PTP4A3: variants seen among roughly 807,000 people sequenced by gnomAD.
PTP4A3 encodes the protein protein tyrosine phosphatase 4A3.
PTP4A3 carries 9 observed loss-of-function variants against 15.2 expected under a neutral mutation model. The ratio of observed to expected loss-of-function variants is 0.59; its 90% CI spans 0.36 to 1.03. PTP4A3 has a LOEUF of 1.03. Among genes scored for constraint, PTP4A3 ranks in the 50% least tolerant of loss-of-function variants. The probability of loss-of-function intolerance (pLI) is 0.02; values close to 1 mark genes in which losing one functional copy is unlikely to be tolerated. For missense variants in PTP4A3, 234 were observed against 252.1 expected (o/e 0.93, Z 0.49); for synonymous variants, 95 against 102.0 (o/e 0.93, Z 0.41).
Position 141,413,921 on chromosome 8 carries a change from G to A in PTP4A3, c.-853-7467G>A, listed in dbSNP as rs116088436. ...AGGGCTCTTGGTGTAAAGATGCTGT[G>A]TGGACAGGAGGACATGGAGGATTCG... On this transcript the variant is annotated intron_variant, in intron 1 of 5. Coordinates refer to ENST00000521578, the MANE Select transcript of PTP4A3 (RefSeq NM_032611.3). Among the ~76,000 whole-genome samples, 1,143 of 150,800 alleles carry A rather than the reference G, an allele frequency of 7.6e-3. 19 individuals carry two copies. The highest frequency in any genetic ancestry group is 0.026 in the African/African-American group (1,064 of 40,622).
At chr8:141,414,052 T>A (rs1218953239) in intron 1 of PTP4A3, among the ~76,000 whole-genome samples, 2 of 144,450 alleles carry the variant, frequency 1.4e-5, no homozygotes, top group Non-Finnish European at 3.0e-5. Context: ...TGGTCATCTG[T>A]TTCTGTGGCG....
At chr8:141,430,796 A>C in intron 5 of PTP4A3, 131 bp from the exon 6 acceptor site, 1 of 790,208 alleles carries the variant, frequency 1.3e-6, no homozygotes, top group Non-Finnish European at 2.1e-6. Context: ...AGGCCCTGGG[A>C]CAGGAGGGGC....
intron 1 of PTP4A3, among the ~76,000 whole-genome samples, chr8:141,420,532 C>A (rs1470368767): frequency 6.6e-6 from 1 of 152,166 alleles, no homozygotes; most frequent in Non-Finnish European, 1.5e-5. Flanking sequence ...CTGTGGCCCC[C>A]CCTGCCGCCT....
At chr8:141,430,881 G>T (rs372526974) in intron 5 of PTP4A3, 46 bp from the exon 6 acceptor site, 3 of 1,595,326 alleles carry the variant, frequency 1.9e-6, no homozygotes, top group African/African-American at 2.7e-5. Context: ...TGAGATGGCC[G>T]AGCCAGGTCC....
chr8:141,401,534 C>A (rs527564376), intron 1 of PTP4A3, among the ~76,000 whole-genome samples: 22 of 152,262 alleles, frequency 1.4e-4, no homozygotes, highest in African/African-American at 4.6e-4. Flanking sequence ...TGCTGGCTGG[C>A]CCCTGCTCCC....
At chr8:141,430,514 G>A (rs1391635071) in intron 5 of PTP4A3, among the ~76,000 whole-genome samples, 2 of 152,216 alleles carry the variant, frequency 1.3e-5, no homozygotes, top group African/African-American at 4.8e-5. Flanking sequence ...CCTGTTGTAA[G>A]GGAAGGTCGC....
rs1183964850 is a variant in PTP4A3, at chr8:141,431,292, C to G, written c.*248C>G. ...CCCTCTGGCGGCGCTGGCCGTGGCT[C>G]TGTCTCTCTGAGGTGGGTCGGGCGC... On this transcript the variant is annotated 3_prime_UTR_variant, in exon 6 of 6. Coordinates refer to ENST00000521578, the MANE Select transcript of PTP4A3 (RefSeq NM_032611.3). The G allele has an allele frequency of 1.8e-6, 1 of 557,080 alleles. No individual in the cohort carries two copies. Among genetic ancestry groups the G allele is most frequent in the African/African-American group, 1.9e-5 (1 of 52,886 alleles). The allele number at this position is 557,080 out of a possible 1,614,324, so 34.5% of individuals were successfully genotyped here.
intron 4 of PTP4A3, among the ~76,000 whole-genome samples, chr8:141,427,425 T>C (rs1408069192): frequency 6.6e-6 from 1 of 151,614 alleles, no homozygotes; most frequent in East Asian, 1.9e-4. Flanking sequence ...TCGGATGACA[T>C]GACCAGTGGG....
At chr8:141,395,010 C>T (rs72683597) in intron 1 of PTP4A3, among the ~76,000 whole-genome samples, 5,150 of 152,300 alleles carry the variant, frequency 0.034, 135 homozygotes, top group Non-Finnish European at 0.05. Context: ...CAAGGTGGGA[C>T]GGGGACAGGG....
intron 1 of PTP4A3, among the ~76,000 whole-genome samples, chr8:141,421,168 C>T (rs1007239793): frequency 6.6e-6 from 1 of 152,224 alleles, no homozygotes; most frequent in Non-Finnish European, 1.5e-5. Flanking sequence ...GCTACCCTGT[C>T]GCCTCTGGGC....
intron 1 of PTP4A3, among the ~76,000 whole-genome samples, chr8:141,418,842 G>A (rs903377299): frequency 2.6e-5 from 4 of 152,152 alleles, no homozygotes; most frequent in African/African-American, 7.2e-5. Context: ...TGCTCTCAGG[G>A]CCCTACCTGG....
At chr8:141,397,533 C>T (rs1832482389) in intron 1 of PTP4A3, among the ~76,000 whole-genome samples, 1 of 152,230 alleles carries the variant, frequency 6.6e-6, no homozygotes, top group Non-Finnish European at 1.5e-5. Context: ...GCACATGCTC[C>T]CCGCTGGCCT....
At chr8:141,429,041 G>A (rs1481585379) in intron 5 of PTP4A3, among the ~76,000 whole-genome samples, 5 of 152,266 alleles carry the variant, frequency 3.3e-5, no homozygotes, top group Admixed American at 1.3e-4. Context: ...ACCTGAGGCT[G>A]CGCTGGTCAG....
At chr8:141,416,652 A>G (rs1833064915) in intron 1 of PTP4A3, among the ~76,000 whole-genome samples, 1 of 151,974 alleles carries the variant, frequency 6.6e-6, no homozygotes. Flanking sequence ...GGGGTCCATG[A>G]GCTGGCAGGC....
rs1833897539 is a variant in PTP4A3, at chr8:141,432,020, CAGGGCCCGCCGG to C, written c.*982_*993del. The C allele has an allele frequency of 2.6e-5, 4 of 152,372 alleles. No homozygotes were observed. The highest frequency in any genetic ancestry group is 9.6e-5 in the African/African-American group (4 of 41,458). 9.4% of individuals were successfully genotyped at this position (152,372 alleles called of 1,614,324 possible). On this transcript the variant is annotated 3_prime_UTR_variant, in exon 6 of 6. Transcript: ENST00000521578. ...GGGGCTGGATGTGAGAGGCCTGGAC[CAGGGCCCGCCGG>C]AGGGCGTGGACCAGATGCTCATGTG...
intron 4 of PTP4A3, among the ~76,000 whole-genome samples, chr8:141,427,403 T>A (rs1412214717): frequency 6.6e-6 from 1 of 152,170 alleles, no homozygotes; most frequent in Non-Finnish European, 1.5e-5. Flanking sequence ...GGAGGAAGAA[T>A]GGCAGCTGGG....
chr8:141,427,531 C>A (rs1027880148), intron 4 of PTP4A3, among the ~76,000 whole-genome samples: 6 of 152,226 alleles, frequency 3.9e-5, no homozygotes, highest in African/African-American at 1.4e-4. Flanking sequence ...TTATTTAACC[C>A]TCCCCCAGCA....
At chr8:141,413,935 A>T (rs1832941912) in intron 1 of PTP4A3, among the ~76,000 whole-genome samples, 1 of 152,192 alleles carries the variant, frequency 6.6e-6, no homozygotes, top group African/African-American at 2.4e-5. Flanking sequence ...ACAGGAGGAC[A>T]TGGAGGATTC....
At chr8:141,430,128 T>C (rs556884525) in intron 5 of PTP4A3, among the ~76,000 whole-genome samples, 18 of 102,026 alleles carry the variant, frequency 1.8e-4, no homozygotes, top group African/African-American at 3.5e-4. Flanking sequence ...CAGCCCAGGT[T>C]TCCGCTGTAA....
Sources: gnomAD v4.1 joint callset for allele counts (sites outside exome capture counted in the v4.1 genomes callset) on GRCh38, gnomAD v4.1.1 for gene constraint, MANE v1.5 for transcripts, NCBI Gene and HGNC (gene_info 2026-07-23, HGNC 2026-07-21) for gene names.